The following NKAIN3 variants were observed in gnomAD, a reference collection of about 807,000 sequenced individuals.
NKAIN3 encodes sodium/potassium-transporting ATPase subunit beta-1-interacting protein 3.
A neutral mutation model predicts 30.2 loss-of-function variants in NKAIN3; 25 were observed. The ratio of observed to expected loss-of-function variants is 0.83; its 90% CI spans 0.60 to 1.16. The LOEUF is 1.16. Ranked by LOEUF, NKAIN3 falls within the 50% of genes most tolerant of loss-of-function variation. The pLI, the probability that NKAIN3 is intolerant of heterozygous loss-of-function variation, is 0.00. For synonymous variants in NKAIN3, 91 were observed against 89.6 expected, an observed-to-expected ratio of 1.02 and a Z score of -0.09; for missense variants, 225 against 254.1, an observed-to-expected ratio of 0.89 and a Z score of 0.78.
chr8:62,671,228 T>C (rs980598449), intron 3 of NKAIN3, among the ~76,000 whole-genome samples: 1 of 147,124 alleles, frequency 6.8e-6, no homozygotes, highest in South Asian at 2.1e-4. Flanking sequence ...TGATTTGAGA[T>C]TTTTTTTTTG....
intron 4 of NKAIN3, among the ~76,000 whole-genome samples, chr8:62,854,347 A>C (rs1401830799): frequency 1.3e-5 from 2 of 152,148 alleles, no homozygotes; most frequent in African/African-American, 4.8e-5. Flanking sequence ...TCTCTGTTAA[A>C]GTCTGTAAGA....
Position 62,713,443 on chromosome 8 carries a change from A to C in NKAIN3, c.274-33489A>C, listed in dbSNP as rs559441260. On this transcript the variant is annotated intron_variant, in intron 3 of 6. Coordinates refer to ENST00000623646, the MANE Select transcript of NKAIN3 (RefSeq NM_001304533.3). Reference sequence around the variant, plus strand: ...TTCCTCCTCCAGTAATGCAACATATAGATAACTTCATCAGTTTAAAAAATC... The same window carrying C: ...TTCCTCCTCCAGTAATGCAACATATCGATAACTTCATCAGTTTAAAAAATC... Among the ~76,000 whole-genome samples the C allele has an allele frequency of 1.9e-4, 29 of 152,368 alleles. 1 individual carries two copies. The highest frequency in any genetic ancestry group is 3.4e-3 in the Middle Eastern group (1 of 294).
chr8:62,580,266 C>T (rs1433169429), intron 2 of NKAIN3, among the ~76,000 whole-genome samples: 1 of 152,152 alleles, frequency 6.6e-6, no homozygotes, highest in African/African-American at 2.4e-5. Context: ...GGTCAGCACA[C>T]ACTCCATTAT....
chr8:62,528,228 C>T (rs1405697571), intron 1 of NKAIN3, among the ~76,000 whole-genome samples: 1 of 145,310 alleles, frequency 6.9e-6, no homozygotes, highest in Admixed American at 7.1e-5. Flanking sequence ...CTGGGGAGTA[C>T]AAGAAGAGGG....
At position 62,340,588 on chromosome 8, in the gene NKAIN3, G is replaced by A. The variant is rs1349894135; in HGVS notation, c.54+91461G>A. 2.0e-5 allele frequency among the ~76,000 whole-genome samples: 3 copies of A among 152,024 alleles called. No individual in the cohort carries two copies. In the East Asian group the frequency reaches 5.8e-4, roughly 29 times the overall value. Reference sequence around the variant, plus strand: ...GCCTGCCAAAGCACTGTACTTTGGAGTATGATGCTCTGAGCTGCAGTAATG... The same window carrying A: ...GCCTGCCAAAGCACTGTACTTTGGAATATGATGCTCTGAGCTGCAGTAATG... On this transcript the variant is annotated intron_variant, in intron 1 of 6. Transcript: ENST00000623646.
intron 4 of NKAIN3, among the ~76,000 whole-genome samples, chr8:62,849,657 A>C (rs1434466398): frequency 8.4e-6 from 1 of 118,652 alleles, no homozygotes; most frequent in African/African-American, 3.2e-5. Context: ...TCCTGTGTCC[A>C]TGTGTTCTCA....
intron 1 of NKAIN3, among the ~76,000 whole-genome samples, chr8:62,429,201 G>A (rs896002972): frequency 6.6e-6 from 1 of 151,830 alleles, no homozygotes; most frequent in Non-Finnish European, 1.5e-5. Flanking sequence ...GTGAAAGTGG[G>A]CATACTTGTC....
intron 1 of NKAIN3, among the ~76,000 whole-genome samples, chr8:62,451,286 T>TCCCTCCCCTCCCCTCCCCTC (rs1805633347): frequency 7.0e-6 from 1 of 142,534 alleles, no homozygotes; most frequent in Non-Finnish European, 1.6e-5. Flanking sequence ...TCTCTCCCCT[T>TCCCTCCCCTCCCCTCCCCTC]CCCTCCCCTC....
At chr8:62,310,376 G>A (rs190115526) in intron 1 of NKAIN3, among the ~76,000 whole-genome samples, 1,841 of 150,550 alleles carry the variant, frequency 0.012, 24 homozygotes, top group Middle Eastern at 0.027. Context: ...AGACAGGAAA[G>A]GTAACTGTGT....
chr8:62,437,913 C>G (rs1406288819), intron 1 of NKAIN3, among the ~76,000 whole-genome samples: 1 of 152,162 alleles, frequency 6.6e-6, no homozygotes, highest in African/African-American at 2.4e-5. Context: ...TCTAAAACAG[C>G]TGAAAGAAAA....
intron 1 of NKAIN3, among the ~76,000 whole-genome samples, chr8:62,372,761 G>A (rs1215469220): frequency 6.6e-6 from 1 of 151,740 alleles, no homozygotes; most frequent in East Asian, 1.9e-4. Flanking sequence ...ACTTCATGAA[G>A]TATTTACAAA....
At chr8:62,952,365 T>A (rs114811569) in intron 5 of NKAIN3, among the ~76,000 whole-genome samples, 3 of 152,178 alleles carry the variant, frequency 2.0e-5, no homozygotes, top group Non-Finnish European at 4.4e-5. Context: ...AAAGCCACAC[T>A]ATTTTACCAA....
chr8:62,442,519 T>C (rs1266981596), intron 1 of NKAIN3, among the ~76,000 whole-genome samples: 1 of 151,998 alleles, frequency 6.6e-6, no homozygotes, highest in African/African-American at 2.4e-5. Flanking sequence ...TATCTAACTT[T>C]TAGTATTTTC....
intron 1 of NKAIN3, among the ~76,000 whole-genome samples, chr8:62,387,371 T>A (rs1817462266): frequency 6.6e-6 from 1 of 150,676 alleles, no homozygotes. Flanking sequence ...AAATACATGG[T>A]AGATTCAGCA....
chr8:62,359,306 T>C (rs1455339256), intron 1 of NKAIN3, among the ~76,000 whole-genome samples: 1 of 152,254 alleles, frequency 6.6e-6, no homozygotes, highest in Non-Finnish European at 1.5e-5. Flanking sequence ...TTTATGTACC[T>C]GGTTTAGAAA....
chr8:62,417,767 CT>C (rs763888837), intron 1 of NKAIN3, among the ~76,000 whole-genome samples: 9 of 151,710 alleles, frequency 5.9e-5, no homozygotes, highest in African/African-American at 1.5e-4. Flanking sequence ...ATTTATTTGT[CT>C]TTTTTTTGAG....
At chr8:62,922,674 G>A (rs1237336820) in intron 5 of NKAIN3, among the ~76,000 whole-genome samples, 2 of 151,990 alleles carry the variant, frequency 1.3e-5, no homozygotes, top group Admixed American at 1.3e-4. Flanking sequence ...AAGTCACAGT[G>A]AACATTTCAA....
At chr8:62,690,895 C>T (rs1338014632) in intron 3 of NKAIN3, among the ~76,000 whole-genome samples, 5 of 152,148 alleles carry the variant, frequency 3.3e-5, no homozygotes, top group Non-Finnish European at 7.4e-5. Flanking sequence ...GGAGACACTG[C>T]GGATGGTAAC....
chr8:62,391,036 C>T (rs1204351989), intron 1 of NKAIN3, among the ~76,000 whole-genome samples: 4 of 152,090 alleles, frequency 2.6e-5, no homozygotes, highest in African/African-American at 7.2e-5. Context: ...TGCAGAAGCG[C>T]TTTGGTTTAA....
Sources: gnomAD v4.1 joint callset for allele counts (sites outside exome capture counted in the v4.1 genomes callset) on GRCh38, gnomAD v4.1.1 for gene constraint, MANE v1.5 for transcripts, NCBI Gene and HGNC (gene_info 2026-07-23, HGNC 2026-07-21) for gene names.